The following SCOC variants were observed in gnomAD, a reference collection of about 807,000 sequenced individuals.
SCOC encodes short coiled coil protein.
In SCOC, 7 loss-of-function variants were observed where a neutral mutation model predicts 9.9. The observed-to-expected ratio is 0.71, with a 90% CI of 0.40 to 1.33. The LOEUF is 1.33. SCOC is among the 40% of genes most tolerant of loss of function. The pLI is 0.01. For missense variants in SCOC, 66 were observed against 89.7 expected, an observed-to-expected ratio of 0.74 and a Z score of 1.07; for synonymous variants, 19 against 28.2, an observed-to-expected ratio of 0.67 and a Z score of 1.03.
At chr4:140,291,473 T>G (rs1024851659) in intron 1 of SCOC, 14 of 457,338 alleles carry the variant, frequency 3.1e-5, no homozygotes, top group African/African-American at 2.8e-4. Context: ...ATGTCATCAT[T>G]GTAATGGATC....
At chr4:140,267,830 T>C (rs574859824) in intron 1 of SCOC, among the ~76,000 whole-genome samples, 1 of 152,278 alleles carries the variant, frequency 6.6e-6, no homozygotes, top group South Asian at 2.1e-4. Flanking sequence ...CTTGTGTAAT[T>C]GATCCCTGCC....
In SCOC at chr4:140,373,658, A is replaced by G; in HGVS notation, c.-110A>G. On this transcript the variant is annotated 5_prime_UTR_variant, in exon 1 of 4. Transcript: ENST00000608372. ...CGGAGCTGCCGGGGTCAGTTGGTCCAAGTGTCCCGGCCTGAGGTGTCGGCC... is the reference window on the plus strand; with the variant it reads ...CGGAGCTGCCGGGGTCAGTTGGTCCGAGTGTCCCGGCCTGAGGTGTCGGCC... The G allele has an allele frequency of 6.4e-7, 1 of 1,551,396 alleles. No homozygotes were observed.
At chr4:140,311,232 T>C (rs1391425077) in intron 1 of SCOC, among the ~76,000 whole-genome samples, 4 of 152,124 alleles carry the variant, frequency 2.6e-5, no homozygotes, top group Admixed American at 2.6e-4. Flanking sequence ...CCCTATCTCT[T>C]AAAAATAATA....
At chr4:140,376,481 A>T in intron 1 of SCOC, 1 of 151,784 alleles carries the variant, frequency 6.6e-6, no homozygotes, top group East Asian at 1.9e-4. Flanking sequence ...ACTGTGCAAC[A>T]CTTGGGATGC....
intron 1 of SCOC, among the ~76,000 whole-genome samples, chr4:140,306,793 G>A (rs1203696252): frequency 6.6e-6 from 1 of 152,056 alleles, no homozygotes; most frequent in Non-Finnish European, 1.5e-5. Context: ...GGAGAAGGTG[G>A]GGAATGATCG....
chr4:140,312,874 C>T (rs1334856432), intron 1 of SCOC, among the ~76,000 whole-genome samples: 1 of 152,106 alleles, frequency 6.6e-6, no homozygotes, highest in Non-Finnish European at 1.5e-5. Flanking sequence ...AAGAAAAACT[C>T]AACATTCTGG....
At chr4:140,310,323 A>G (rs532313884) in intron 1 of SCOC, among the ~76,000 whole-genome samples, 2 of 152,262 alleles carry the variant, frequency 1.3e-5, no homozygotes, top group South Asian at 4.1e-4. Context: ...GCTGCTTCTC[A>G]TCCGGGGGAA....
chr4:140,378,828 C>T (rs557345167), intron 1 of SCOC, among the ~76,000 whole-genome samples: 1 of 151,946 alleles, frequency 6.6e-6, no homozygotes, highest in African/African-American at 2.4e-5. Context: ...AATTTGTGTC[C>T]AGTGTTTGTG....
At chr4:140,277,658 T>C (rs973085398) in intron 1 of SCOC, among the ~76,000 whole-genome samples, 1 of 152,234 alleles carries the variant, frequency 6.6e-6, no homozygotes, top group Non-Finnish European at 1.5e-5. Flanking sequence ...AGTATTATTT[T>C]CCAATTTTTA....
At chr4:140,363,263 C>T (rs546733336) in intron 2 of SCOC, among the ~76,000 whole-genome samples, 1 of 152,152 alleles carries the variant, frequency 6.6e-6, no homozygotes, top group African/African-American at 2.4e-5. Context: ...CGCCAGCATT[C>T]ATGAAACAGG....
At chr4:140,380,545 C>T (rs1394779414) in intron 3 of SCOC, among the ~76,000 whole-genome samples, 2 of 151,956 alleles carry the variant, frequency 1.3e-5, no homozygotes, top group Non-Finnish European at 2.9e-5. Context: ...TGTTCAATGT[C>T]TTGATAATGT....
At chr4:140,323,203 A>T (rs1732550641) in intron 1 of SCOC, among the ~76,000 whole-genome samples, 1 of 152,058 alleles carries the variant, frequency 6.6e-6, no homozygotes, top group Non-Finnish European at 1.5e-5. Flanking sequence ...ATGAGTTCAC[A>T]TGAGATCTTG....
intron 1 of SCOC, among the ~76,000 whole-genome samples, chr4:140,312,212 G>A (rs542492775): frequency 7.9e-5 from 12 of 152,084 alleles, no homozygotes; most frequent in Non-Finnish European, 1.5e-4. Context: ...GCCCCTCAGT[G>A]GAGGCATTTC....
intron 1 of SCOC, among the ~76,000 whole-genome samples, chr4:140,301,389 T>C (rs969590874): frequency 3.3e-5 from 5 of 151,390 alleles, no homozygotes; most frequent in Non-Finnish European, 7.4e-5. Flanking sequence ...CTGACACTTA[T>C]ATTCATAAGA....
At chr4:140,375,427 T>G (rs1457425963) in intron 1 of SCOC, among the ~76,000 whole-genome samples, 1 of 152,218 alleles carries the variant, frequency 6.6e-6, no homozygotes, top group Non-Finnish European at 1.5e-5. Flanking sequence ...GCCGAGGTGT[T>G]AACCTTGCCC....
chr4:140,358,052 C>T (rs1358654251), intron 2 of SCOC, among the ~76,000 whole-genome samples: 2 of 152,124 alleles, frequency 1.3e-5, no homozygotes, highest in African/African-American at 4.8e-5. Flanking sequence ...AATCCCTTTG[C>T]TTTCTCGCCC....
chr4:140,369,201 C>T, upstream of SCOC: 1 of 271,648 alleles, frequency 3.7e-6, no homozygotes, highest in South Asian at 2.8e-5. Flanking sequence ...CCTTAATTTA[C>T]CAAATAGCTA....
intron 1 of SCOC, among the ~76,000 whole-genome samples, chr4:140,288,839 C>A (rs999087386): frequency 6.6e-6 from 1 of 151,978 alleles, no homozygotes; most frequent in Admixed American, 6.6e-5. Context: ...ACATATATCA[C>A]AAATGTCTAT....
intron 1 of SCOC, among the ~76,000 whole-genome samples, chr4:140,293,626 G>C (rs1158817621): frequency 1.3e-5 from 2 of 152,190 alleles, no homozygotes; most frequent in East Asian, 1.9e-4. Context: ...AGAATTCCAC[G>C]CCAGGCAGGA....
Sources: gnomAD v4.1 joint callset for allele counts (sites outside exome capture counted in the v4.1 genomes callset) on GRCh38, gnomAD v4.1.1 for gene constraint, MANE v1.5 for transcripts, NCBI Gene and HGNC (gene_info 2026-07-23, HGNC 2026-07-21) for gene names.